CDH13: variants seen among roughly 807,000 people sequenced by gnomAD.
CDH13 encodes the protein cadherin-13.
Under a neutral mutation model 63.8 loss-of-function variants are expected in CDH13, and 24 were observed. That is an observed-to-expected ratio of 0.38 (90% CI 0.27 to 0.53). The LOEUF (loss-of-function observed/expected upper bound fraction) is 0.53, where lower values mean the gene tolerates loss of function less well. Among genes scored for constraint, CDH13 ranks in the 20% least tolerant of loss-of-function variants. CDH13 has a pLI of 0.85. For synonymous variants in CDH13, 503 were observed against 355.3 expected, an observed-to-expected ratio of 1.42 and a Z score of -4.67; for missense variants, 1,049 against 903.1, an observed-to-expected ratio of 1.16 and a Z score of -2.07.
intron 6 of CDH13, among the ~76,000 whole-genome samples, chr16:83,422,887 A>T (rs1435508063): frequency 6.6e-6 from 1 of 152,196 alleles, no homozygotes; most frequent in East Asian, 1.9e-4. Context: ...AATGGTTATG[A>T]TGATCATGAT....
At chr16:83,577,075 C>G (rs1056079055) in intron 7 of CDH13, among the ~76,000 whole-genome samples, 12 of 152,234 alleles carry the variant, frequency 7.9e-5, no homozygotes, top group African/African-American at 2.2e-4. Flanking sequence ...TATGCAATTA[C>G]TAATTTATAG....
chr16:83,368,884 T>TTTTATATA (rs1491400736), intron 6 of CDH13, among the ~76,000 whole-genome samples: 7 of 47,682 alleles, frequency 1.5e-4, no homozygotes, highest in South Asian at 2.5e-3. Context: ...GTATTCCATG[T>TTTTATATA]TATATATATA....
intron 8 of CDH13, among the ~76,000 whole-genome samples, chr16:83,650,331 T>G (rs1490927594): frequency 6.6e-6 from 1 of 152,244 alleles, no homozygotes; most frequent in African/African-American, 2.4e-5. Context: ...GTCTTTGGTT[T>G]TACCCTTGAA....
At chr16:82,814,596 T>G (rs112725478) in intron 1 of CDH13, among the ~76,000 whole-genome samples, 2,397 of 152,260 alleles carry the variant, frequency 0.016, 48 homozygotes, top group African/African-American at 0.053. Context: ...TGCATACCTT[T>G]CCACATACCT....
At chr16:83,304,183 C>A (rs189545560) in intron 5 of CDH13, among the ~76,000 whole-genome samples, 98 of 152,206 alleles carry the variant, frequency 6.4e-4, no homozygotes, top group African/African-American at 2.1e-3. Flanking sequence ...AAGACTCTTA[C>A]CAGCCATAAG....
At chr16:83,336,661 G>T (rs2090604770) in intron 5 of CDH13, among the ~76,000 whole-genome samples, 2 of 152,010 alleles carry the variant, frequency 1.3e-5, no homozygotes, top group South Asian at 4.1e-4. Context: ...CTCTGTGTGT[G>T]TCTGTGTTTT....
intron 10 of CDH13, among the ~76,000 whole-genome samples, chr16:83,722,993 T>C (rs375732857): frequency 6.6e-6 from 1 of 152,190 alleles, no homozygotes; most frequent in Non-Finnish European, 1.5e-5. Context: ...TGTGACCTTC[T>C]AGTTTCACAG....
At chr16:82,649,616 A>G (rs965715530) in intron 1 of CDH13, among the ~76,000 whole-genome samples, 6 of 152,172 alleles carry the variant, frequency 3.9e-5, no homozygotes, top group Admixed American at 6.5e-5. Context: ...AGAGCATGGC[A>G]TGTATGAGCT....
At chr16:83,434,483 C>T (rs2072226067) in intron 6 of CDH13, among the ~76,000 whole-genome samples, 1 of 152,082 alleles carries the variant, frequency 6.6e-6, no homozygotes, top group Admixed American at 6.5e-5. Context: ...CATCTCATTC[C>T]ACTCTCCCAT....
chr16:82,969,948 T>C, intron 2 of CDH13, among the ~76,000 whole-genome samples: 1 of 152,048 alleles, frequency 6.6e-6, no homozygotes, highest in East Asian at 1.9e-4. Flanking sequence ...TCTTTTTTTT[T>C]TTATTATACT....
chr16:83,003,516 T>G (rs547274380), intron 2 of CDH13, among the ~76,000 whole-genome samples: 4 of 152,194 alleles, frequency 2.6e-5, no homozygotes, highest in Non-Finnish European at 5.9e-5. Context: ...ATGCAGCTAC[T>G]GAGCAAGGAA....
At chr16:82,641,659 A>C (rs1168168418) in intron 1 of CDH13, among the ~76,000 whole-genome samples, 1 of 152,234 alleles carries the variant, frequency 6.6e-6, no homozygotes, top group Non-Finnish European at 1.5e-5. Flanking sequence ...TTTTAGGGAC[A>C]GGAGATGGGA....
At chr16:83,181,026 G>A in intron 4 of CDH13, 12 of 1,509,622 alleles carry the variant, frequency 7.9e-6, no homozygotes, top group South Asian at 1.3e-5. Flanking sequence ...CTTCCCACTA[G>A]CACTCGGTAT....
intron 1 of CDH13, among the ~76,000 whole-genome samples, chr16:82,743,861 T>C (rs1227552260): frequency 2.0e-5 from 3 of 152,188 alleles, no homozygotes; most frequent in African/African-American, 7.2e-5. Context: ...TTTCAAGCTA[T>C]TCAGGTGTAT....
intron 4 of CDH13, among the ~76,000 whole-genome samples, chr16:83,166,004 T>C (rs1202033427): frequency 6.6e-6 from 1 of 152,008 alleles, no homozygotes; most frequent in African/African-American, 2.4e-5. Context: ...TCTTTAAAAG[T>C]AGAAAAAATG....
chr16:83,565,278 G>C (rs1332374375), intron 7 of CDH13, among the ~76,000 whole-genome samples: 1 of 151,816 alleles, frequency 6.6e-6, no homozygotes, highest in Non-Finnish European at 1.5e-5. Flanking sequence ...CCATCCGAAA[G>C]AGTTCTCGAA....
chr16:83,554,292 C>G (rs1478492617), intron 7 of CDH13, among the ~76,000 whole-genome samples: 2 of 151,674 alleles, frequency 1.3e-5, no homozygotes, highest in Admixed American at 6.6e-5. Context: ...TCCCTGGAGA[C>G]AGGAATATGC....
intron 1 of CDH13, among the ~76,000 whole-genome samples, chr16:82,852,992 A>C (rs1721678020): frequency 6.6e-6 from 1 of 152,234 alleles, no homozygotes. Flanking sequence ...TTTCTTTTTA[A>C]GAAAGAACGA....
At chr16:82,683,516 A>G (rs1914764040) in intron 1 of CDH13, among the ~76,000 whole-genome samples, 1 of 152,200 alleles carries the variant, frequency 6.6e-6, no homozygotes, top group Non-Finnish European at 1.5e-5. Flanking sequence ...TTCCCTAATT[A>G]TATCATGCCA....
Sources: allele counts gnomAD v4.1 joint callset (sites outside exome capture counted in the v4.1 genomes callset), GRCh38; gene constraint gnomAD v4.1.1; transcripts MANE v1.5; gene names NCBI Gene and HGNC (gene_info 2026-07-23, HGNC 2026-07-21).